SHQ1: variants seen among roughly 807,000 people sequenced by gnomAD.
The protein encoded by SHQ1 is SHQ1, H/ACA ribonucleoprotein assembly factor, also known as protein SHQ1 homolog.
In SHQ1, 49 loss-of-function variants were observed where a neutral mutation model predicts 53.8. The ratio of observed to expected loss-of-function variants is 0.91; its 90% CI spans 0.72 to 1.16. The LOEUF is 1.16. SHQ1 is among the 50% of genes most tolerant of loss of function. The pLI, the probability that SHQ1 is intolerant of heterozygous loss-of-function variation, is 0.00. For synonymous variants in SHQ1, 243 were observed against 251.0 expected (o/e 0.97, Z 0.30); for missense variants, 738 against 683.1 (o/e 1.08, Z -0.90).
At chr3:72,730,656 T>C in the SHQ1 span, among the ~76,000 whole-genome samples, 1 of 152,178 alleles carries the variant, frequency 6.6e-6, no homozygotes, top group African/African-American at 2.4e-5. Flanking sequence ...CCACTACAGA[T>C]ACATACAAAT....
chr3:72,739,918 T>A, the SHQ1 span, among the ~76,000 whole-genome samples: 1 of 152,166 alleles, frequency 6.6e-6, no homozygotes, highest in African/African-American at 2.4e-5. Flanking sequence ...CACCTTGCTA[T>A]GACCAGCCAG....
intron 10 of SHQ1, among the ~76,000 whole-genome samples, chr3:72,755,134 C>G (rs190233903): frequency 6.6e-6 from 1 of 152,282 alleles, no homozygotes; most frequent in Admixed American, 6.5e-5. Flanking sequence ...GGGGCCCAAA[C>G]AGGAACTCCT....
At chr3:72,786,787 T>C (rs1313317113) in intron 10 of SHQ1, among the ~76,000 whole-genome samples, 3 of 152,136 alleles carry the variant, frequency 2.0e-5, no homozygotes, top group Non-Finnish European at 2.9e-5. Flanking sequence ...TGGCACATAA[T>C]AGAGCTCAAT....
chr3:72,820,673 T>C (rs946619782), intron 6 of SHQ1, among the ~76,000 whole-genome samples: 3 of 152,212 alleles, frequency 2.0e-5, no homozygotes, highest in Non-Finnish European at 2.9e-5. Context: ...ATGAATAACA[T>C]TTGTCAAGCA....
chr3:72,808,983 G>C (rs938634610), intron 9 of SHQ1, among the ~76,000 whole-genome samples: 7 of 152,110 alleles, frequency 4.6e-5, no homozygotes, highest in Non-Finnish European at 7.3e-5. Flanking sequence ...AGGTGGTGTG[G>C]GTGCAGGAAG....
chr3:72,812,091 C>T (rs148455121), intron 9 of SHQ1, among the ~76,000 whole-genome samples: 56 of 152,314 alleles, frequency 3.7e-4, no homozygotes, highest in African/African-American at 1.1e-3. Flanking sequence ...TTAAAGCTAA[C>T]GAGTGTTTGT....
intron 4 of SHQ1, among the ~76,000 whole-genome samples, chr3:72,836,672 T>G (rs545271582): frequency 6.6e-6 from 1 of 152,104 alleles, no homozygotes; most frequent in Non-Finnish European, 1.5e-5. Flanking sequence ...AACTGGACTC[T>G]AAAAAGAAAC....
intron 9 of SHQ1, among the ~76,000 whole-genome samples, chr3:72,804,541 A>G (rs1706882809): frequency 6.6e-6 from 1 of 152,160 alleles, no homozygotes; most frequent in African/African-American, 2.4e-5. Context: ...CTATTACACA[A>G]TAAACTCCCT....
intron 9 of SHQ1, among the ~76,000 whole-genome samples, chr3:72,810,635 G>A (rs1707088636): frequency 6.6e-6 from 1 of 152,144 alleles, no homozygotes; most frequent in Non-Finnish European, 1.5e-5. Context: ...TTCATTCTTG[G>A]AAAACACTAA....
intron 9 of SHQ1, among the ~76,000 whole-genome samples, chr3:72,802,941 C>T (rs924531418): frequency 6.6e-6 from 1 of 152,142 alleles, no homozygotes; most frequent in Non-Finnish European, 1.5e-5. Context: ...TTAGACAATG[C>T]GGGACATCTC....
chr3:72,846,381 G>T, intron 1 of SHQ1: 1 of 1,380,950 alleles, frequency 7.2e-7, no homozygotes, highest in Non-Finnish European at 9.7e-7. Context: ...TGCAACCTTC[G>T]CCCCCCAGGT....
At chr3:72,739,367 C>T in the SHQ1 span, among the ~76,000 whole-genome samples, 1 of 152,084 alleles carries the variant, frequency 6.6e-6, no homozygotes, top group Non-Finnish European at 1.5e-5. Context: ...AGGGAACACA[C>T]GCTGCGATGC....
chr3:72,844,299 T>A, intron 2 of SHQ1, 60 bp downstream of exon 2: 1 of 1,370,292 alleles, frequency 7.3e-7, no homozygotes, highest in South Asian at 1.2e-5. Flanking sequence ...TGTAAGATTA[T>A]TATGTAAATA....
chr3:72,812,872 T>A, intron 8 of SHQ1, 78 bp from the exon 9 acceptor site: 5 of 1,533,578 alleles, frequency 3.3e-6, no homozygotes, highest in African/African-American at 1.4e-5. Context: ...AATAGGAAGC[T>A]TTTCTCATTT....
At chr3:72,753,735 C>T (rs548749120) in intron 10 of SHQ1, 2 of 630,370 alleles carry the variant, frequency 3.2e-6, no homozygotes, top group South Asian at 7.1e-5. Flanking sequence ...AGCATTATAA[C>T]CCCTGGCTAA....
intron 4 of SHQ1, among the ~76,000 whole-genome samples, 190 bp downstream of exon 4, chr3:72,840,855 C>A (rs1205895922): frequency 6.6e-6 from 1 of 152,096 alleles, no homozygotes; most frequent in African/African-American, 2.4e-5. Flanking sequence ...AAGAGCAGTA[C>A]AGTTAGGCAG....
At chr3:72,813,180 A>G (rs1309612672) in intron 8 of SHQ1, among the ~76,000 whole-genome samples, 3 of 152,206 alleles carry the variant, frequency 2.0e-5, no homozygotes, top group African/African-American at 7.2e-5. Context: ...CAGATCAAAA[A>G]TGTAGAACTC....
rs772603487 is a variant in SHQ1 at position 72,750,227 on chromosome 3, C to A, written c.*57G>T. 1.5e-6 allele frequency: 2 copies of A among 1,338,622 alleles called. No individual in the cohort carries two copies. Among genetic ancestry groups the A allele is most frequent in the African/African-American group, 1.5e-5 (1 of 68,086 alleles). The allele number at this position is 1,338,622 out of a possible 1,614,324, so 82.9% of individuals were successfully genotyped here. A position where few individuals can be genotyped will look rare whatever the true frequency, so the allele number is the denominator to read the frequency against. On this transcript the variant is annotated 3_prime_UTR_variant, in exon 11 of 11. Coordinates refer to ENST00000325599, the MANE Select transcript of SHQ1 (RefSeq NM_018130.3). ...AAAGTGAAAATGAAGAATTCTCATT[C>A]GGTAAATGAAACCCAATCTACCATA...
chr3:72,839,493 C>T (rs1708096070), intron 4 of SHQ1, among the ~76,000 whole-genome samples: 1 of 152,190 alleles, frequency 6.6e-6, no homozygotes, highest in Non-Finnish European at 1.5e-5. Flanking sequence ...TTTTCAAAGG[C>T]AGGAGTCTTT....
Sources: allele counts gnomAD v4.1 joint callset (sites outside exome capture counted in the v4.1 genomes callset), GRCh38; gene constraint gnomAD v4.1.1; transcripts MANE v1.5; gene names NCBI Gene and HGNC (gene_info 2026-07-23, HGNC 2026-07-21).